WRN: variants seen among roughly 807,000 people sequenced by gnomAD.
WRN encodes WRN RecQ like helicase.
In WRN, 149 loss-of-function variants were observed where a neutral mutation model predicts 180.7. The observed-to-expected ratio is 0.82, with a 90% CI of 0.72 to 0.94. WRN has a LOEUF of 0.94. WRN is among the 40% of genes least tolerant of loss of function. The pLI is 0.00. For missense variants in WRN, 1,661 were observed against 1,700.1 expected (o/e 0.98, Z 0.40); for synonymous variants, 548 against 568.9 (o/e 0.96, Z 0.52).
chr8:31,094,332 C>T (rs1454277693), intron 16 of WRN, among the ~76,000 whole-genome samples: 1 of 151,348 alleles, frequency 6.6e-6, no homozygotes, highest in African/African-American at 2.4e-5. Context: ...TCCCTATTTT[C>T]CCTTTTCTTT....
At chr8:31,125,568 A>ATATATATATATATATATG (rs1186939453) in intron 23 of WRN, among the ~76,000 whole-genome samples, 1 of 134,060 alleles carries the variant, frequency 7.5e-6, no homozygotes, top group African/African-American at 2.7e-5. Context: ...ATATATATAT[A>ATATATATATATATATATG]TGGGGAGGGA....
intron 32 of WRN, among the ~76,000 whole-genome samples, chr8:31,155,670 A>G (rs376616740): frequency 6.6e-6 from 1 of 151,294 alleles, no homozygotes; most frequent in East Asian, 1.9e-4. Flanking sequence ...TCATTGTTCT[A>G]AGATAAATCT....
At chr8:31,093,200 C>T (rs1255938433) in intron 16 of WRN, among the ~76,000 whole-genome samples, 1 of 152,136 alleles carries the variant, frequency 6.6e-6, no homozygotes, top group Non-Finnish European at 1.5e-5. Flanking sequence ...TGGATTATTA[C>T]AAATAAAGCT....
intron 23 of WRN, 136 bp from the exon 24 acceptor site, chr8:31,132,229 A>T: frequency 9.6e-7 from 1 of 1,041,342 alleles, no homozygotes; most frequent in Non-Finnish European, 1.4e-6. Flanking sequence ...GGTATAATGA[A>T]CTTTATTCAT....
chr8:31,147,743 G>A (rs770717153), intron 30 of WRN, among the ~76,000 whole-genome samples: 3 of 152,032 alleles, frequency 2.0e-5, no homozygotes, highest in African/African-American at 4.8e-5. Flanking sequence ...TCCAAATGCC[G>A]AAACTCCTCT....
intron 18 of WRN, among the ~76,000 whole-genome samples, chr8:31,105,526 A>AC (rs1801063188): frequency 6.6e-6 from 1 of 152,130 alleles, no homozygotes; most frequent in South Asian, 2.1e-4. Context: ...CAATGGCGTG[A>AC]ACTCACCTTA....
intron 33 of WRN, among the ~76,000 whole-genome samples, chr8:31,166,496 G>T (rs1803868035): frequency 6.6e-6 from 1 of 152,036 alleles, no homozygotes; most frequent in South Asian, 2.1e-4. Flanking sequence ...TAGTTAATGT[G>T]CTTTTAAAAT....
chr8:31,128,836 G>T (rs567509912), intron 23 of WRN, among the ~76,000 whole-genome samples: 1 of 152,252 alleles, frequency 6.6e-6, no homozygotes, highest in South Asian at 2.1e-4. Flanking sequence ...TCCAGCCTGG[G>T]CAACAGAGCG....
chr8:31,042,624 T>C (rs1031681919), intron 1 of WRN, among the ~76,000 whole-genome samples: 2 of 152,246 alleles, frequency 1.3e-5, no homozygotes, highest in African/African-American at 2.4e-5. Context: ...ACCCTGTTAC[T>C]GTGGAAGTTT....
intron 30 of WRN, among the ~76,000 whole-genome samples, chr8:31,149,589 C>T (rs1378296618): frequency 6.8e-6 from 1 of 147,484 alleles, no homozygotes; most frequent in Non-Finnish European, 1.5e-5. Flanking sequence ...ATTCTCCTGC[C>T]TCAGCCTCCG....
chr8:31,154,813 A>G, intron 32 of WRN, 58 bp downstream of exon 32: 1 of 1,604,472 alleles, frequency 6.2e-7, no homozygotes. Flanking sequence ...CTTGTGTTTT[A>G]TCAGCTTTTT....
At position 31,058,576 on chromosome 8, in the gene WRN, G is replaced by A. The variant is rs1033260656; in HGVS notation, c.96+33G>A. On this transcript the variant is annotated intron_variant, in intron 2 of 34. Coordinates refer to ENST00000298139, the MANE Select transcript of WRN (RefSeq NM_000553.6). ...GTTCATTGACTATTCTTTTGGGTGA[G>A]AAATTTAATTTATATTTGACTGTGC... 5 of 1,598,102 alleles carry A rather than the reference G, an allele frequency of 3.1e-6. No homozygotes were observed. The Admixed American group carries it at 8.4e-5, about 27-fold the overall frequency.
intron 5 of WRN, 37 bp from the exon 6 acceptor site, chr8:31,066,996 A>T (rs2130048538): frequency 6.2e-7 from 1 of 1,611,924 alleles, no homozygotes; most frequent in Admixed American, 1.7e-5. Flanking sequence ...TGAAAACAGG[A>T]ACTGATTTTA....
intron 22 of WRN, 24 bp downstream of exon 22, chr8:31,124,647 A>G: frequency 6.4e-7 from 1 of 1,563,754 alleles, no homozygotes; most frequent in Non-Finnish European, 8.8e-7. Context: ...ATTTTATGCC[A>G]ATAGTATGGA....
intron 11 of WRN, among the ~76,000 whole-genome samples, chr8:31,086,986 C>G (rs1378940797): frequency 6.6e-6 from 1 of 151,962 alleles, no homozygotes; most frequent in Non-Finnish European, 1.5e-5. Context: ...TGTTTGTGGA[C>G]TTGAATAAAA....
At chr8:31,155,622 C>CAA (rs748568497) in intron 32 of WRN, among the ~76,000 whole-genome samples, 128 of 98,230 alleles carry the variant, frequency 1.3e-3, no homozygotes, top group South Asian at 8.7e-3. Context: ...ACTCGGTCTC[C>CAA]AAAAAAAAAA....
At chr8:31,118,572 T>G (rs1801605138) in intron 20 of WRN, among the ~76,000 whole-genome samples, 1 of 152,054 alleles carries the variant, frequency 6.6e-6, no homozygotes, top group Admixed American at 6.6e-5. Flanking sequence ...GAATTCTAGA[T>G]ATTCACTTTT....
rs1039300027 is a variant in WRN at position 31,129,875 on chromosome 8, C to T, written c.2826-2490C>T. ...CAAAAATCAGCTGGGCGTGGTGGCA[C>T]GCGCCTGTAGTCCCAGCTACTTGGG... is the stretch of plus-strand genomic sequence containing the variant. On this transcript the variant is annotated intron_variant, in intron 23 of 34. Coordinates refer to ENST00000298139, the MANE Select transcript of WRN (RefSeq NM_000553.6). Among the ~76,000 whole-genome samples, 9 of 151,772 alleles carry T rather than the reference C, an allele frequency of 5.9e-5. No individual in the cohort carries two copies. In the East Asian group the frequency reaches 1.6e-3, roughly 26 times the overall value.
At chr8:31,152,666 A>G (rs1275509883) in intron 31 of WRN, among the ~76,000 whole-genome samples, 1 of 152,214 alleles carries the variant, frequency 6.6e-6, no homozygotes, top group African/African-American at 2.4e-5. Flanking sequence ...TGCTAACTAG[A>G]TTTGAATATT....
Sources: allele counts gnomAD v4.1 joint callset (sites outside exome capture counted in the v4.1 genomes callset), GRCh38; gene constraint gnomAD v4.1.1; transcripts MANE v1.5; gene names NCBI Gene and HGNC (gene_info 2026-07-23, HGNC 2026-07-21).